The following USO1 variants were observed in gnomAD, a reference collection of about 807,000 sequenced individuals.
The protein encoded by USO1 is USO1 vesicle transport factor, also known as general vesicular transport factor p115.
USO1 carries 57 observed loss-of-function variants against 124.5 expected under a neutral mutation model. The observed-to-expected ratio is 0.46, with a 90% confidence interval of 0.37 to 0.57. The LOEUF is 0.57. Among genes scored for constraint, USO1 ranks in the 20% least tolerant of loss-of-function variants. The pLI is 0.00. For missense variants in USO1, 900 were observed against 1,040.6 expected (o/e 0.86, Z 1.86); for synonymous variants, 369 against 362.8 (o/e 1.02, Z -0.19).
chr4:75,726,630 G>C (rs866028908), intron 1 of USO1, among the ~76,000 whole-genome samples: 1 of 151,764 alleles, frequency 6.6e-6, no homozygotes, highest in Non-Finnish European at 1.5e-5. Flanking sequence ...GATGAAAGCC[G>C]GTAAATCTGT....
At chr4:75,741,641 G>T (rs568301402) in intron 1 of USO1, among the ~76,000 whole-genome samples, 32 of 109,732 alleles carry the variant, frequency 2.9e-4, no homozygotes, top group African/African-American at 1.1e-3. Flanking sequence ...GTCTCGCTCT[G>T]TCAGCCAGGC....
chr4:75,724,928 C>A, intron 1 of USO1, 43 bp downstream of exon 1: 1 of 1,607,232 alleles, frequency 6.2e-7, no homozygotes, highest in East Asian at 2.2e-5. Context: ...GGGGTCCGGG[C>A]AGGGACGGGG....
chr4:75,748,556 G>A (rs1383042518), intron 1 of USO1, among the ~76,000 whole-genome samples: 5 of 152,150 alleles, frequency 3.3e-5, no homozygotes, highest in Non-Finnish European at 2.9e-5. Context: ...TCTGCGTTTA[G>A]CAAGTAATGA....
intron 4 of USO1, among the ~76,000 whole-genome samples, chr4:75,763,333 G>A (rs947682102): frequency 3.9e-5 from 6 of 152,078 alleles, no homozygotes; most frequent in African/African-American, 7.2e-5. Flanking sequence ...TCTATACTTC[G>A]AATACCCATA....
intron 10 of USO1, among the ~76,000 whole-genome samples, chr4:75,788,984 C>G (rs1004611707): frequency 6.6e-6 from 1 of 152,116 alleles, no homozygotes; most frequent in Non-Finnish European, 1.5e-5. Context: ...ATCACTAATA[C>G]TCAACTTTCC....
intron 8 of USO1, among the ~76,000 whole-genome samples, chr4:75,779,022 G>A (rs1252397008): frequency 6.6e-6 from 1 of 152,088 alleles, no homozygotes; most frequent in Non-Finnish European, 1.5e-5. Flanking sequence ...TATTTCAAAA[G>A]TTTCATTATT....
In USO1 at chr4:75,798,655, T is replaced by C. The variant is rs574245284; in HGVS notation, c.1453-967T>C. Among the ~76,000 whole-genome samples the C allele has an allele frequency of 5.6e-4, 86 of 152,326 alleles. 1 individual carries two copies. In the South Asian group the frequency reaches 0.014, roughly 25 times the overall value. ...AGAGTCAAGATATTGGCATCAAGGT[T>C]TGTGAAATTAGAATAGTCTGGGTGG... On this transcript the variant is annotated intron_variant, in intron 13 of 23. Coordinates refer to ENST00000514213, the MANE Select transcript of USO1 (RefSeq NM_003715.4).
intron 1 of USO1, among the ~76,000 whole-genome samples, chr4:75,747,961 G>A (rs933045434): frequency 7.4e-6 from 1 of 134,606 alleles, no homozygotes; most frequent in African/African-American, 2.8e-5. Context: ...AGGCTAGAGT[G>A]CAATGGTGCG....
At chr4:75,745,158 T>G (rs532337678) in intron 1 of USO1, among the ~76,000 whole-genome samples, 1 of 152,334 alleles carries the variant, frequency 6.6e-6, no homozygotes, top group South Asian at 2.1e-4. Context: ...CCTTATTATC[T>G]CAGCTAGTTT....
chr4:75,802,662 A>G (rs536727525), intron 17 of USO1, among the ~76,000 whole-genome samples: 1 of 150,994 alleles, frequency 6.6e-6, no homozygotes, highest in Non-Finnish European at 1.5e-5. Flanking sequence ...GGAAAGCAAT[A>G]TTAAGTAGAT....
intron 4 of USO1, among the ~76,000 whole-genome samples, chr4:75,762,802 C>T (rs919051595): frequency 1.3e-5 from 2 of 152,070 alleles, no homozygotes; most frequent in Non-Finnish European, 2.9e-5. Context: ...GTGGCGGGCC[C>T]CTGTAGTCCC....
At chr4:75,768,309 G>C (rs748659048) in intron 4 of USO1, among the ~76,000 whole-genome samples, 20 of 152,150 alleles carry the variant, frequency 1.3e-4, no homozygotes, top group Admixed American at 3.3e-4. Flanking sequence ...CACTGTACCT[G>C]GCCTGTTCAA....
intron 7 of USO1, among the ~76,000 whole-genome samples, chr4:75,773,319 TTTTTA>T (rs1560448837): frequency 6.6e-6 from 1 of 151,682 alleles, no homozygotes; most frequent in African/African-American, 2.4e-5. Context: ...TATAACCTTT[TTTTTA>T]TTTTAATAAA....
intron 4 of USO1, among the ~76,000 whole-genome samples, chr4:75,760,191 G>A (rs569890864): frequency 3.9e-5 from 6 of 152,178 alleles, no homozygotes; most frequent in East Asian, 1.9e-4. Flanking sequence ...CAGCCTGGGC[G>A]ACAGAGGGAG....
chr4:75,726,272 ACT>A (rs1432385418), intron 1 of USO1, among the ~76,000 whole-genome samples: 44 of 130,042 alleles, frequency 3.4e-4, no homozygotes, highest in African/African-American at 1.4e-3. Flanking sequence ...CAAGAGCGAA[ACT>A]CTGTCTCAAA....
At chr4:75,747,714 A>C (rs1182852570) in intron 1 of USO1, among the ~76,000 whole-genome samples, 2 of 135,726 alleles carry the variant, frequency 1.5e-5, no homozygotes, top group African/African-American at 5.7e-5. Flanking sequence ...GGTTCATGCC[A>C]TTCTCCTGCC....
At chr4:75,731,710 A>G (rs1310977268) in intron 1 of USO1, among the ~76,000 whole-genome samples, 1 of 152,222 alleles carries the variant, frequency 6.6e-6, no homozygotes, top group Non-Finnish European at 1.5e-5. Flanking sequence ...TTTAAATTTC[A>G]AGGTAAGATT....
chr4:75,757,095 T>C (rs949015153), intron 3 of USO1, among the ~76,000 whole-genome samples: 12 of 112,186 alleles, frequency 1.1e-4, no homozygotes, highest in African/African-American at 4.4e-4. Flanking sequence ...CGTATACATA[T>C]ATATTTTACT....
At chr4:75,726,935 A>G (rs572833837) in intron 1 of USO1, among the ~76,000 whole-genome samples, 1 of 152,242 alleles carries the variant, frequency 6.6e-6, no homozygotes, top group Non-Finnish European at 1.5e-5. Flanking sequence ...TGTAAGAGAT[A>G]GCTAATACCC....
Sources: gnomAD v4.1 joint callset for allele counts (sites outside exome capture counted in the v4.1 genomes callset) on GRCh38, gnomAD v4.1.1 for gene constraint, MANE v1.5 for transcripts, NCBI Gene and HGNC (gene_info 2026-07-23, HGNC 2026-07-21) for gene names.